Variants in RNLS observed in about 807,000 individuals in gnomAD.
RNLS encodes the protein renalase.
RNLS carries 39 observed loss-of-function variants against 39.8 expected under a neutral mutation model. That is an observed-to-expected ratio of 0.98 (90% CI 0.76 to 1.28). The LOEUF is 1.28. RNLS is among the 50% of genes most tolerant of loss of function. The pLI, the probability that RNLS is intolerant of heterozygous loss-of-function variation, is 0.00. For synonymous variants in RNLS, 147 were observed against 150.7 expected (o/e 0.98, Z 0.18); for missense variants, 410 against 413.3 (o/e 0.99, Z 0.07).
At chr10:88,488,857 C>A (rs1183177148) in intron 4 of RNLS, among the ~76,000 whole-genome samples, 1 of 152,002 alleles carries the variant, frequency 6.6e-6, no homozygotes, top group Non-Finnish European at 1.5e-5. Context: ...GGCAAAGCTG[C>A]CAACATTTAA....
intron 4 of RNLS, among the ~76,000 whole-genome samples, chr10:88,572,154 G>A (rs543618395): frequency 6.6e-6 from 1 of 152,246 alleles, no homozygotes; most frequent in African/African-American, 2.4e-5. Flanking sequence ...AACTAGGAAA[G>A]ATATAAGCAT....
intron 4 of RNLS, among the ~76,000 whole-genome samples, chr10:88,515,434 C>T (rs1361465242): frequency 2.0e-5 from 3 of 151,986 alleles, no homozygotes; most frequent in Non-Finnish European, 4.4e-5. Flanking sequence ...CTTTGTGCAA[C>T]GTTCTCTCAA....
chr10:88,426,221 C>A (rs1287031723), intron 4 of RNLS, among the ~76,000 whole-genome samples: 1 of 151,934 alleles, frequency 6.6e-6, no homozygotes, highest in Non-Finnish European at 1.5e-5. Context: ...GAATTAAAAC[C>A]CATACTGAAG....
At chr10:88,195,601 T>G in the RNLS span, among the ~76,000 whole-genome samples, 3 of 152,170 alleles carry the variant, frequency 2.0e-5, no homozygotes, top group East Asian at 5.8e-4. Context: ...TTCCCCATAG[T>G]TCATTAGAGA....
In RNLS at chr10:88,579,488, G is replaced by A. The variant is rs571579047; in HGVS notation, c.367+2079C>T. Among the ~76,000 whole-genome samples, 3 of 152,260 alleles carry A rather than the reference G, an allele frequency of 2.0e-5. No homozygotes were observed. The South Asian group carries it at 6.2e-4, about 32-fold the overall frequency. ...GGGCTAGCCTCAGGGATGAATGCAA[G>A]GCCAGAGATAGGAGGGCAGGAGAAG... is the stretch of plus-strand genomic sequence containing the variant. On this transcript the variant is annotated intron_variant, in intron 3 of 6. Coordinates refer to ENST00000331772, the MANE Select transcript of RNLS (RefSeq NM_001031709.3).
At chr10:88,371,632 A>G (rs1850563619) in intron 4 of RNLS, among the ~76,000 whole-genome samples, 1 of 152,144 alleles carries the variant, frequency 6.6e-6, no homozygotes, top group Admixed American at 6.6e-5. Context: ...CTCTAGCATT[A>G]TATTTCTTAA....
At chr10:88,177,875 G>A in the RNLS span, among the ~76,000 whole-genome samples, 1 of 152,184 alleles carries the variant, frequency 6.6e-6, no homozygotes, top group African/African-American at 2.4e-5. Flanking sequence ...GGTTGTTTGT[G>A]GTGGCTGTGG....
intron 4 of RNLS, among the ~76,000 whole-genome samples, chr10:88,391,031 T>C (rs1187078236): frequency 1.3e-5 from 2 of 151,960 alleles, no homozygotes; most frequent in East Asian, 3.8e-4. Context: ...TACTGAGAAT[T>C]GTTAATCATT....
intron 4 of RNLS, among the ~76,000 whole-genome samples, chr10:88,445,679 A>G (rs1174251031): frequency 6.6e-6 from 1 of 152,184 alleles, no homozygotes; most frequent in Non-Finnish European, 1.5e-5. Context: ...CTCTGATAAA[A>G]CAGACTGTAA....
At chr10:88,225,209 A>G in the RNLS span, among the ~76,000 whole-genome samples, 1 of 152,250 alleles carries the variant, frequency 6.6e-6, no homozygotes, top group Admixed American at 6.5e-5. Flanking sequence ...GAGTGTACAC[A>G]TACAGCTGCC....
chr10:88,284,044 G>T, downstream of RNLS: 1 of 646,586 alleles, frequency 1.5e-6, no homozygotes, highest in South Asian at 6.9e-5. Context: ...ATTTTATAGA[G>T]ACTACAAATT....
the RNLS span, among the ~76,000 whole-genome samples, chr10:88,204,059 G>C: frequency 1.3e-5 from 2 of 152,114 alleles, no homozygotes; most frequent in African/African-American, 4.8e-5. Context: ...CACCAAGCCA[G>C]TAAATAGTGA....
intron 4 of RNLS, among the ~76,000 whole-genome samples, chr10:88,407,586 C>T (rs1480923898): frequency 6.6e-6 from 1 of 151,952 alleles, no homozygotes; most frequent in Non-Finnish European, 1.5e-5. Flanking sequence ...GAAAGGACAA[C>T]TCTAACTCCT....
chr10:88,503,416 T>C (rs557470921), intron 4 of RNLS, among the ~76,000 whole-genome samples: 1 of 152,174 alleles, frequency 6.6e-6, no homozygotes, highest in African/African-American at 2.4e-5. Flanking sequence ...AAATAAATCA[T>C]TGTCCTCAAA....
Position 88,381,074 on chromosome 10 carries a change from G to A in RNLS, c.527-18349C>T, listed in dbSNP as rs1053540354. ...GATATGTTCTGATATCCAGTAGAAC[G>A]CATAGTATAGTCTAATTTTTCTTCC... On this transcript the variant is annotated intron_variant, in intron 4 of 6. Coordinates refer to ENST00000331772, the MANE Select transcript of RNLS (RefSeq NM_001031709.3). Among the ~76,000 whole-genome samples, 5 of 152,154 alleles carry A rather than the reference G, an allele frequency of 3.3e-5. No individual in the cohort carries two copies. In the South Asian group the frequency reaches 8.3e-4, roughly 25 times the overall value.
intron 4 of RNLS, among the ~76,000 whole-genome samples, chr10:88,551,212 C>A (rs1057495173): frequency 6.6e-6 from 1 of 152,160 alleles, no homozygotes; most frequent in Non-Finnish European, 1.5e-5. Context: ...CTGAAGCCAG[C>A]ATAGGTTTTC....
At chr10:88,480,866 T>C (rs1844122842) in intron 4 of RNLS, among the ~76,000 whole-genome samples, 2 of 152,062 alleles carry the variant, frequency 1.3e-5, no homozygotes, top group African/African-American at 4.8e-5. Context: ...GGTATAATAT[T>C]ATTTTACAAA....
the RNLS span, among the ~76,000 whole-genome samples, chr10:88,179,868 C>T: frequency 1.3e-5 from 2 of 152,164 alleles, no homozygotes; most frequent in African/African-American, 4.8e-5. Flanking sequence ...AGTATAATCC[C>T]CAGGGTGGAG....
chr10:88,482,827 T>C (rs1242576211), intron 4 of RNLS, among the ~76,000 whole-genome samples: 1 of 152,128 alleles, frequency 6.6e-6, no homozygotes, highest in Non-Finnish European at 1.5e-5. Flanking sequence ...TTGCCATTTG[T>C]TTTTTGTTTA....
Sources: allele counts gnomAD v4.1 joint callset (sites outside exome capture counted in the v4.1 genomes callset), GRCh38; gene constraint gnomAD v4.1.1; transcripts MANE v1.5; gene names NCBI Gene and HGNC (gene_info 2026-07-23, HGNC 2026-07-21).